Variants in EEF1AKMT2 observed in about 807,000 individuals in gnomAD.
The protein encoded by EEF1AKMT2 is EEF1A lysine methyltransferase 2, also known as eukaryotic translation elongation factor 1 alpha lysine methyltransferase 2.
EEF1AKMT2 carries 32 observed loss-of-function variants against 35.8 expected under a neutral mutation model. That is an observed-to-expected ratio of 0.89 (90% CI 0.67 to 1.20). The LOEUF (loss-of-function observed/expected upper bound fraction) is 1.20. Among genes scored for constraint, EEF1AKMT2 ranks in the 50% most tolerant of loss-of-function variants. The pLI is 0.00. For synonymous variants in EEF1AKMT2, 121 were observed against 133.7 expected, an observed-to-expected ratio of 0.91 and a Z score of 0.65; for missense variants, 330 against 347.5, an observed-to-expected ratio of 0.95 and a Z score of 0.40.
rs1164855053 is a variant in EEF1AKMT2 at position 124,761,870 on chromosome 10, C to T, written c.875+430G>A. Among the ~76,000 whole-genome samples the T allele has an allele frequency of 7.2e-5, 11 of 152,206 alleles. No individual in the cohort carries two copies. In the East Asian group the frequency reaches 7.7e-4, roughly 11 times the overall value. ...CTGGATGATGGAGGCTGTGGTAAGC[C>T]GAGATTATCCCACTGCACTCCAGCC... On this transcript the variant is annotated intron_variant, in intron 6 of 6. Coordinates refer to ENST00000368836, the MANE Select transcript of EEF1AKMT2 (RefSeq NM_212554.4).
chr10:124,782,539 G>A (rs1455357495), intron 3 of EEF1AKMT2, among the ~76,000 whole-genome samples: 5 of 140,304 alleles, frequency 3.6e-5, no homozygotes, highest in South Asian at 2.2e-4. Flanking sequence ...CCGAGATCGC[G>A]CCACTGCACT....
At chr10:124,790,233 T>C (rs756162216) in intron 2 of EEF1AKMT2, 40 bp downstream of exon 2, 4 of 1,450,192 alleles carry the variant, frequency 2.8e-6, no homozygotes, top group Non-Finnish European at 3.9e-6. Context: ...CATATACATA[T>C]AATCTTCTAG....
intron 3 of EEF1AKMT2, among the ~76,000 whole-genome samples, chr10:124,785,210 G>GCACT (rs1434411183): frequency 8.0e-6 from 1 of 124,446 alleles, no homozygotes; most frequent in Admixed American, 1.1e-4. Context: ...TCATGCCACT[G>GCACT]CACTCTAGCC....
At chr10:124,783,008 G>A (rs1422308228) in intron 3 of EEF1AKMT2, 3 of 413,514 alleles carry the variant, frequency 7.3e-6, no homozygotes, top group Non-Finnish European at 9.4e-6. Flanking sequence ...AATAAGGTAA[G>A]TTAAAAGGAT....
intron 4 of EEF1AKMT2, among the ~76,000 whole-genome samples, chr10:124,771,834 A>G (rs192212294): frequency 6.6e-6 from 1 of 152,078 alleles, no homozygotes; most frequent in East Asian, 1.9e-4. Context: ...GAGTCACTAC[A>G]CTCCAGCCTG....
chr10:124,773,327 A>C (rs1426679040), intron 4 of EEF1AKMT2, among the ~76,000 whole-genome samples: 1 of 151,952 alleles, frequency 6.6e-6, no homozygotes, highest in Non-Finnish European at 1.5e-5. Flanking sequence ...TTTTTTTTTA[A>C]AACAGTCTCC....
At chr10:124,781,005 G>A (rs1008633784) in intron 3 of EEF1AKMT2, among the ~76,000 whole-genome samples, 1 of 151,886 alleles carries the variant, frequency 6.6e-6, no homozygotes, top group South Asian at 2.1e-4. Context: ...GAATGCAGTG[G>A]CGCGATCTTG....
intron 3 of EEF1AKMT2, among the ~76,000 whole-genome samples, chr10:124,780,298 C>G (rs1025292518): frequency 1.3e-5 from 2 of 152,170 alleles, no homozygotes; most frequent in Admixed American, 1.3e-4. Flanking sequence ...TTCCAACGTA[C>G]AGACAACACG....
chr10:124,775,823 T>C (rs750103663), intron 3 of EEF1AKMT2, among the ~76,000 whole-genome samples: 1 of 152,132 alleles, frequency 6.6e-6, no homozygotes, highest in Non-Finnish European at 1.5e-5. Flanking sequence ...GCTGTATCCC[T>C]CCTTATTCCT....
chr10:124,787,432 T>G (rs1318377014), intron 3 of EEF1AKMT2, among the ~76,000 whole-genome samples: 2 of 20,352 alleles, frequency 9.8e-5, no homozygotes, highest in Non-Finnish European at 2.0e-4. Flanking sequence ...AGACTCTGTC[T>G]CAAAAAAAAA....
intron 4 of EEF1AKMT2, among the ~76,000 whole-genome samples, chr10:124,769,045 A>G (rs1202811835): frequency 6.7e-6 from 1 of 149,520 alleles, no homozygotes; most frequent in Non-Finnish European, 1.5e-5. Flanking sequence ...CCTGGGCAAC[A>G]TGACAAAACC....
chr10:124,785,031 G>A (rs569981840), intron 3 of EEF1AKMT2, among the ~76,000 whole-genome samples: 7 of 151,478 alleles, frequency 4.6e-5, no homozygotes, highest in Admixed American at 1.3e-4. Context: ...GGAAAATCAC[G>A]AGATCAGGCA....
chr10:124,766,422 G>C (rs1294482249), intron 4 of EEF1AKMT2: 1 of 152,168 alleles, frequency 6.6e-6, no homozygotes, highest in African/African-American at 2.4e-5. Flanking sequence ...AGTTGGAGGT[G>C]TGAAGTCATA....
At chr10:124,768,759 CA>C (rs1950402427) in intron 4 of EEF1AKMT2, among the ~76,000 whole-genome samples, 1 of 151,362 alleles carries the variant, frequency 6.6e-6, no homozygotes, top group Non-Finnish European at 1.5e-5. Flanking sequence ...CAAAAAATAA[CA>C]AAGAAAAAAT....
At chr10:124,789,760 TAAAA>T (rs535532582) in intron 2 of EEF1AKMT2, among the ~76,000 whole-genome samples, 1 of 114,070 alleles carries the variant, frequency 8.8e-6, no homozygotes, top group Admixed American at 9.3e-5. Flanking sequence ...CCCACCTCTC[TAAAA>T]AAAAAAAAAA....
At chr10:124,768,890 G>A (rs550366158) in intron 4 of EEF1AKMT2, among the ~76,000 whole-genome samples, 2 of 152,020 alleles carry the variant, frequency 1.3e-5, no homozygotes, top group African/African-American at 4.8e-5. Flanking sequence ...ACTTCACAGG[G>A]AGCAATTGAG....
chr10:124,780,022 G>A lies in EEF1AKMT2; in HGVS notation c.292-5240C>T, dbSNP rs536450869. The stretch of plus-strand genomic sequence containing the variant: ...AGCTTACAGTGAGCCAAGATCACAC[G>A]CCACTGCACTCCAGCACTCCAGCCT... On this transcript the variant is annotated intron_variant, in intron 3 of 6. Coordinates refer to ENST00000368836, the MANE Select transcript of EEF1AKMT2 (RefSeq NM_212554.4). Among the ~76,000 whole-genome samples the A allele has an allele frequency of 1.0e-3, 154 of 148,902 alleles. 1 individual carries two copies. The highest frequency in any genetic ancestry group is 1.7e-3 in the Non-Finnish European group (114 of 67,246).
At position 124,782,987 on chromosome 10, in the gene EEF1AKMT2, T is replaced by C. The variant is rs1338555658; in HGVS notation, c.291+6056A>G. The C allele has an allele frequency of 9.4e-6, 4 of 425,538 alleles. No individual in the cohort carries two copies. In the Admixed American group the frequency reaches 1.2e-4, roughly 13 times the overall value. The allele number at this position is 425,538 out of a possible 1,614,324, so 26.4% of individuals were successfully genotyped here. A position where few individuals can be genotyped will look rare whatever the true frequency, so the allele number is the denominator to read the frequency against. On this transcript the variant is annotated intron_variant, in intron 3 of 6. Coordinates refer to ENST00000368836, the MANE Select transcript of EEF1AKMT2 (RefSeq NM_212554.4). ...ATATGCTGGCTACAAGAAATTCACT[T>C]CAAATATAATAATAAGGTAAGTTAA...
chr10:124,761,570 G>C (rs1238514425), intron 6 of EEF1AKMT2, among the ~76,000 whole-genome samples: 1 of 152,102 alleles, frequency 6.6e-6, no homozygotes, highest in East Asian at 1.9e-4. Context: ...TAAAATCCTA[G>C]GTTCAAATCC....
Sources: gnomAD v4.1 joint callset for allele counts (sites outside exome capture counted in the v4.1 genomes callset) on GRCh38, gnomAD v4.1.1 for gene constraint, MANE v1.5 for transcripts, NCBI Gene and HGNC (gene_info 2026-07-23, HGNC 2026-07-21) for gene names.